COG5: variants seen among roughly 807,000 people sequenced by gnomAD.
COG5 encodes the protein conserved oligomeric Golgi complex subunit 5.
A neutral mutation model predicts 110.4 loss-of-function variants in COG5; 86 were observed. That is an observed-to-expected ratio of 0.78 (90% confidence interval 0.65 to 0.93). The LOEUF is 0.93. COG5 is among the 40% of genes least tolerant of loss of function. The pLI is 0.00. For synonymous variants in COG5, 360 were observed against 334.6 expected (o/e 1.08, Z -0.83); for missense variants, 1,077 against 987.0 (o/e 1.09, Z -1.22).
intron 8 of COG5, among the ~76,000 whole-genome samples, chr7:107,367,649 ACAAGTGGC>A (rs2129048320): frequency 6.6e-6 from 1 of 152,222 alleles, no homozygotes; most frequent in East Asian, 1.9e-4. Flanking sequence ...CTTGGATGGA[ACAAGTGGC>A]CATTATTCTA....
chr7:107,408,473 G>A (rs1278327753), intron 7 of COG5, among the ~76,000 whole-genome samples: 1 of 152,236 alleles, frequency 6.6e-6, no homozygotes, highest in Non-Finnish European at 1.5e-5. Flanking sequence ...TAATGTGGAT[G>A]ATACTAAGAA....
rs766592160 is a variant in COG5 at position 107,523,771 on chromosome 7, C to T, written c.538+3466G>A. 8.6e-5 allele frequency among the ~76,000 whole-genome samples: 13 copies of T among 151,280 alleles called. No individual in the cohort carries two copies. In the South Asian group the frequency reaches 1.7e-3, roughly 19 times the overall value. ...CGGAGGTTGCCGTGAGGCGAGATTG[C>T]GCCATTGTGCTCTAGCCTGGGCAAC... On this transcript the variant is annotated intron_variant, in intron 6 of 21. Transcript: ENST00000297135.
intron 6 of COG5, among the ~76,000 whole-genome samples, chr7:107,453,632 C>G (rs991174818): frequency 6.6e-6 from 1 of 152,136 alleles, no homozygotes; most frequent in Non-Finnish European, 1.5e-5. Flanking sequence ...GGTCTCCTTT[C>G]TAAAGCTAGT....
intron 12 of COG5, among the ~76,000 whole-genome samples, chr7:107,285,589 T>C (rs1402673523): frequency 1.3e-5 from 2 of 152,206 alleles, no homozygotes; most frequent in Non-Finnish European, 2.9e-5. Context: ...TAAAGGAAAC[T>C]GTCTACATGC....
chr7:107,511,643 TCAATA>T (rs1296247923), intron 6 of COG5, among the ~76,000 whole-genome samples: 1 of 152,226 alleles, frequency 6.6e-6, no homozygotes, highest in African/African-American at 2.4e-5. Context: ...GCAAAAATCC[TCAATA>T]CAATACTGGC....
intron 6 of COG5, among the ~76,000 whole-genome samples, chr7:107,432,571 A>G (rs932370697): frequency 2.0e-5 from 3 of 152,324 alleles, no homozygotes; most frequent in African/African-American, 7.2e-5. Context: ...GTGTAAGAAT[A>G]TCACTTAACC....
intron 6 of COG5, among the ~76,000 whole-genome samples, chr7:107,439,839 AG>A (rs1444754006): frequency 6.6e-6 from 1 of 152,150 alleles, no homozygotes; most frequent in Non-Finnish European, 1.5e-5. Context: ...AGAAAACAGG[AG>A]GTGCTGAAGG....
chr7:107,511,717 C>A (rs534341027), intron 6 of COG5, among the ~76,000 whole-genome samples: 53 of 152,290 alleles, frequency 3.5e-4, no homozygotes, highest in African/African-American at 1.3e-3. Context: ...GGGCTTCATC[C>A]CTGGGATGCA....
intron 7 of COG5, among the ~76,000 whole-genome samples, chr7:107,408,552 C>G (rs560361159): frequency 6.6e-6 from 1 of 152,318 alleles, no homozygotes; most frequent in South Asian, 2.1e-4. Context: ...CCAGATATGA[C>G]TAATGTTCCA....
chr7:107,371,874 G>T (rs1425885997), intron 8 of COG5, among the ~76,000 whole-genome samples: 1 of 152,174 alleles, frequency 6.6e-6, no homozygotes, highest in African/African-American at 2.4e-5. Flanking sequence ...AGAAAGCATA[G>T]TTCATCCTTA....
chr7:107,461,829 A>C (rs1320692361), intron 6 of COG5, among the ~76,000 whole-genome samples: 3 of 152,246 alleles, frequency 2.0e-5, no homozygotes, highest in Non-Finnish European at 4.4e-5. Context: ...CCAACTTGAC[A>C]AAATATGTGT....
intron 12 of COG5, among the ~76,000 whole-genome samples, chr7:107,295,614 T>C (rs955518422): frequency 1.3e-5 from 2 of 152,160 alleles, no homozygotes; most frequent in Non-Finnish European, 2.9e-5. Context: ...TCTTCCTTGT[T>C]TGTGTCCTTG....
intron 6 of COG5, among the ~76,000 whole-genome samples, chr7:107,492,881 T>A (rs572491826): frequency 1.3e-5 from 2 of 152,154 alleles, no homozygotes; most frequent in African/African-American, 4.8e-5. Context: ...TTCTGCCTAT[T>A]GTGCCATACT....
chr7:107,371,291 C>A (rs568112360), intron 8 of COG5, among the ~76,000 whole-genome samples: 1 of 151,966 alleles, frequency 6.6e-6, no homozygotes, highest in African/African-American at 2.4e-5. Flanking sequence ...ATTTATATAG[C>A]AAATATAAAA....
At chr7:107,480,252 G>A (rs909815742) in intron 6 of COG5, among the ~76,000 whole-genome samples, 3 of 151,882 alleles carry the variant, frequency 2.0e-5, no homozygotes, top group Admixed American at 6.6e-5. Flanking sequence ...TCAGAATGAC[G>A]GCAAGAAGCA....
Position 107,297,472 on chromosome 7 carries a change from G to A in COG5, c.1313+670C>T, listed in dbSNP as rs1475940804. 7.3e-5 allele frequency among the ~76,000 whole-genome samples: 6 copies of A among 82,216 alleles called. No individual in the cohort carries two copies. In the Admixed American group the frequency reaches 7.6e-4, roughly 10 times the overall value. The allele number at this position is 82,216 out of a possible 152,430, so 53.9% of individuals were successfully genotyped here. ...TTTTTTTTTTTTTTTTTTTTGAGAC[G>A]GAGTATCATTTTGTCGCCCAGGCTG... On this transcript the variant is annotated intron_variant, in intron 12 of 21. Coordinates refer to ENST00000297135, the MANE Select transcript of COG5 (RefSeq NM_006348.5).
At chr7:107,499,101 T>G (rs1014249816) in intron 6 of COG5, among the ~76,000 whole-genome samples, 1 of 151,960 alleles carries the variant, frequency 6.6e-6, no homozygotes, top group African/African-American at 2.4e-5. Context: ...AATAGACAAA[T>G]GCATGGAAGC....
intron 6 of COG5, among the ~76,000 whole-genome samples, chr7:107,435,471 G>A (rs537645447): frequency 1.3e-5 from 2 of 152,152 alleles, no homozygotes; most frequent in South Asian, 4.1e-4. Context: ...TGACCAACAT[G>A]GTGAAACCTC....
chr7:107,477,823 A>G (rs918167406), intron 6 of COG5, among the ~76,000 whole-genome samples: 6 of 151,920 alleles, frequency 3.9e-5, no homozygotes, highest in African/African-American at 1.4e-4. Flanking sequence ...TGTATTAAAC[A>G]TCTGTTCTAT....
Sources: gnomAD v4.1 joint callset for allele counts (sites outside exome capture counted in the v4.1 genomes callset) on GRCh38, gnomAD v4.1.1 for gene constraint, MANE v1.5 for transcripts, NCBI Gene and HGNC (gene_info 2026-07-23, HGNC 2026-07-21) for gene names.